The following ITGB3 variants were observed in gnomAD, a reference collection of about 807,000 sequenced individuals.
The protein encoded by ITGB3 is integrin subunit beta 3.
Under a neutral mutation model 85.8 loss-of-function variants are expected in ITGB3, and 48 were observed. That is an observed-to-expected ratio of 0.56 (90% CI 0.44 to 0.71). The LOEUF (loss-of-function observed/expected upper bound fraction) is 0.71. ITGB3 is among the 30% of genes least tolerant of loss of function. The pLI, the probability that ITGB3 is intolerant of heterozygous loss-of-function variation, is 0.00. For synonymous variants in ITGB3, 363 were observed against 395.6 expected (o/e 0.92, Z 0.98); for missense variants, 861 against 1,019.1 (o/e 0.84, Z 2.11).
chr17:47,303,021 G>T (rs1016786665), intron 13 of ITGB3, among the ~76,000 whole-genome samples, 181 bp downstream of exon 13: 6 of 152,196 alleles, frequency 3.9e-5, no homozygotes, highest in Admixed American at 1.3e-4. Flanking sequence ...GCCATGGTGG[G>T]TGGATCGTCT....
chr17:47,308,077 G>T (rs1280560716), intron 14 of ITGB3, among the ~76,000 whole-genome samples: 1 of 151,266 alleles, frequency 6.6e-6, no homozygotes, highest in African/African-American at 2.4e-5. Flanking sequence ...GAAGCAGGAG[G>T]ATTGCTTGAA....
intron 2 of ITGB3, 78 bp downstream of exon 2, chr17:47,274,582 A>C: frequency 8.0e-7 from 1 of 1,245,222 alleles, no homozygotes; most frequent in Admixed American, 1.7e-5. Context: ...TGAAGTTATC[A>C]CCTCCCTCTT....
chr17:47,298,351 TTA>T (rs2065153424), intron 10 of ITGB3, among the ~76,000 whole-genome samples: 1 of 152,192 alleles, frequency 6.6e-6, no homozygotes, highest in Non-Finnish European at 1.5e-5. Flanking sequence ...TGGGATTTGT[TTA>T]ACTGCACTGG....
intron 10 of ITGB3, 139 bp downstream of exon 10, chr17:47,292,707 A>G: frequency 1.2e-6 from 1 of 803,652 alleles, no homozygotes; most frequent in Non-Finnish European, 1.9e-6. Context: ...CTTTTTGAGT[A>G]TAAGGACCAA....
At position 47,312,837 on chromosome 17, in the gene ITGB3, T is replaced by C. The variant is rs1179593016; in HGVS notation, c.*2633T>C. Among the ~76,000 whole-genome samples the C allele has an allele frequency of 6.6e-6, 1 of 152,192 alleles. No individual in the cohort carries two copies. The highest frequency in any genetic ancestry group is 1.9e-4 in the East Asian group (1 of 5,200). On this transcript the variant is annotated 3_prime_UTR_variant, in exon 15 of 15. Coordinates refer to ENST00000559488, the MANE Select transcript of ITGB3 (RefSeq NM_000212.3). ...ATCAGATAACACGGCACAAAGGGAT[T>C]GTGTCTAGCTCTTTTGGAGAAAATT...
Position 47,286,304 on chromosome 17 carries a change from T to A in ITGB3, c.659T>A (p.Leu220Gln). ...CLPMFGYKHVLTLTDQVTRFN... is the reference protein window; with the variant it reads ...CLPMFGYKHVQTLTDQVTRFN... ...CCCATGTTTGGCTACAAACACGTGC[T>A]GACGCTAACTGACCAGGTGACCCGC... Residue 220 changes from leucine to glutamine, a missense_variant, in exon 5 of 15, where the codon CTG becomes CAG. Leu to Gln is a moderately radical substitution (Grantham distance 113). Coordinates refer to ENST00000559488, the MANE Select transcript of ITGB3 (RefSeq NM_000212.3). 6.2e-7 allele frequency: 1 copy of A among 1,614,226 alleles called. No individual in the cohort carries two copies. The highest frequency in any genetic ancestry group is 8.5e-7 in the Non-Finnish European group (1 of 1,180,032).
intron 1 of ITGB3, among the ~76,000 whole-genome samples, chr17:47,269,915 TCA>T (rs951785334): frequency 6.6e-6 from 1 of 152,242 alleles, no homozygotes; most frequent in African/African-American, 2.4e-5. Context: ...TTTAGTTGAC[TCA>T]CAGTTTAGCA....
chr17:47,307,734 T>C lies in ITGB3; in HGVS notation c.2301+97T>C. 4 of 1,174,142 alleles carry C rather than the reference T, an allele frequency of 3.4e-6. No homozygotes were observed. The South Asian group carries it at 5.2e-5, about 15-fold the overall frequency. 72.7% of individuals were successfully genotyped at this position (1,174,142 alleles called of 1,614,324 possible). On this transcript the variant is annotated intron_variant, in intron 14 of 14. Coordinates refer to ENST00000559488, the MANE Select transcript of ITGB3 (RefSeq NM_000212.3). ...GGGTGGTCATGTTCAGCCAGTACCA[T>C]CGTCTTTCCATTATCCTCTGTTCTG...
intron 2 of ITGB3, among the ~76,000 whole-genome samples, chr17:47,275,517 C>G (rs1442409233): frequency 6.6e-6 from 1 of 152,198 alleles, no homozygotes; most frequent in African/African-American, 2.4e-5. Context: ...GCTCAGCTAC[C>G]TGAGGCTTCC....
chr17:47,261,810 G>A (rs1035620546), intron 1 of ITGB3, among the ~76,000 whole-genome samples: 4 of 152,162 alleles, frequency 2.6e-5, no homozygotes, highest in African/African-American at 7.2e-5. Flanking sequence ...ATAAGCCACC[G>A]CACCTGGCCC....
At chr17:47,254,254 G>A (rs755334918) in intron 1 of ITGB3, among the ~76,000 whole-genome samples, 32 of 152,066 alleles carry the variant, frequency 2.1e-4, no homozygotes, top group Non-Finnish European at 3.7e-4. Flanking sequence ...GCGCTCACCC[G>A]GGGCTGCGCG....
chr17:47,309,991 G>A (rs901846628), intron 14 of ITGB3, 148 bp from the exon 15 acceptor site: 2 of 718,406 alleles, frequency 2.8e-6, no homozygotes, highest in Admixed American at 2.0e-5. Flanking sequence ...GAACTAAAGT[G>A]TGAGCAAAAT....
chr17:47,308,827 T>C (rs766199522), intron 14 of ITGB3, among the ~76,000 whole-genome samples: 1 of 152,154 alleles, frequency 6.6e-6, no homozygotes, highest in African/African-American at 2.4e-5. Context: ...GCTACCATTA[T>C]AGGATTTGTT....
intron 3 of ITGB3, 94 bp downstream of exon 3, chr17:47,283,643 C>G: frequency 8.1e-7 from 1 of 1,233,214 alleles, no homozygotes; most frequent in Non-Finnish European, 1.2e-6. Context: ...GGAAGTAGCT[C>G]AGAATGGAAA....
rs2065156088 is a variant in ITGB3 at position 47,299,036 on chromosome 17, C to G, written c.1691-272C>G. Among the ~76,000 whole-genome samples the G allele has an allele frequency of 6.8e-6, 1 of 146,012 alleles. No homozygotes were observed. Among genetic ancestry groups the G allele is most frequent in the South Asian group, 2.5e-4 (1 of 3,946 alleles). The stretch of plus-strand genomic sequence containing the variant: ...GAAGGCAGAGGTATTCAGAAAAGGG[C>G]AAGAGAGAGGGCAAGAGGCCCAGGA... On this transcript the variant is annotated intron_variant, in intron 10 of 14. Coordinates refer to ENST00000559488, the MANE Select transcript of ITGB3 (RefSeq NM_000212.3). This position sits in a 1 kb window ranked among gnomAD's most constrained non-coding sequence, Gnocchi z 5.1.
At chr17:47,304,460 G>A (rs2065179581) in intron 13 of ITGB3, among the ~76,000 whole-genome samples, 1 of 152,170 alleles carries the variant, frequency 6.6e-6, no homozygotes. Flanking sequence ...CTCTTGAGCT[G>A]GGCTCTTATC....
At chr17:47,258,004 C>T (rs2064996243) in intron 1 of ITGB3, among the ~76,000 whole-genome samples, 1 of 152,198 alleles carries the variant, frequency 6.6e-6, no homozygotes, top group Non-Finnish European at 1.5e-5. Flanking sequence ...CTGAGGTTAT[C>T]ATCCCCTCCC....
At chr17:47,274,352 G>A in intron 1 of ITGB3, 67 bp from the exon 2 acceptor site, 4 of 1,404,248 alleles carry the variant, frequency 2.8e-6, no homozygotes, top group African/African-American at 1.4e-5. Flanking sequence ...AAGTTGGGAA[G>A]GATGAGGCAG....
chr17:47,291,723 T>A (rs1358162593), intron 9 of ITGB3, among the ~76,000 whole-genome samples: 1 of 152,222 alleles, frequency 6.6e-6, no homozygotes, highest in Non-Finnish European at 1.5e-5. Context: ...CTGAAGTAGA[T>A]CCTGAGCTTA....
Sources: allele counts gnomAD v4.1 joint callset (sites outside exome capture counted in the v4.1 genomes callset), GRCh38; gene constraint gnomAD v4.1.1; non-coding constraint Gnocchi (gnomAD v3.1); transcripts MANE v1.5; gene names NCBI Gene and HGNC (gene_info 2026-07-23, HGNC 2026-07-21).